The following REDIC1 variants were observed in gnomAD, a reference collection of about 807,000 sequenced individuals.
The protein encoded by REDIC1 is regulator of DNA class I crossover intermediates 1.
At chr12:39,864,186 C>T in the REDIC1 span, among the ~76,000 whole-genome samples, 1 of 152,208 alleles carries the variant, frequency 6.6e-6, no homozygotes, top group South Asian at 2.1e-4. Flanking sequence ...AGTGTGTACA[C>T]TGTTAGATTT....
At chr12:39,803,279 C>G in the REDIC1 span, among the ~76,000 whole-genome samples, 1 of 150,038 alleles carries the variant, frequency 6.7e-6, no homozygotes, top group Non-Finnish European at 1.5e-5. Context: ...CAGATAAAAC[C>G]GTGATGAAAA....
chr12:39,655,432 A>G, the REDIC1 span, among the ~76,000 whole-genome samples: 1 of 152,106 alleles, frequency 6.6e-6, no homozygotes, highest in Admixed American at 6.5e-5. Flanking sequence ...AACACCTCAC[A>G]TTCAGCCAAG....
chr12:39,767,035 A>G, the REDIC1 span, among the ~76,000 whole-genome samples: 1 of 152,122 alleles, frequency 6.6e-6, no homozygotes, highest in Non-Finnish European at 1.5e-5. Context: ...TTTTAATAGC[A>G]TCCAGAATAG....
the REDIC1 span, among the ~76,000 whole-genome samples, chr12:39,823,295 A>G: frequency 6.6e-6 from 1 of 152,370 alleles, no homozygotes; most frequent in South Asian, 2.1e-4. Context: ...ATTTAGGAAC[A>G]CAGCTGGAGG....
the REDIC1 span, chr12:39,648,021 T>G: frequency 1.1e-5 from 14 of 1,260,162 alleles, no homozygotes; most frequent in Non-Finnish European, 1.5e-5. Context: ...ATAATTATAT[T>G]TTCATGAAAC....
chr12:39,822,399 AAAAC>A, the REDIC1 span, among the ~76,000 whole-genome samples: 2 of 152,180 alleles, frequency 1.3e-5, no homozygotes, highest in African/African-American at 4.8e-5. Context: ...GTATCTATAA[AAAAC>A]AAATTAAAAT....
the REDIC1 span, chr12:39,764,971 A>C: frequency 8.1e-7 from 1 of 1,229,900 alleles, no homozygotes; most frequent in Non-Finnish European, 1.1e-6. Context: ...AAGAGTCCAA[A>C]ATGTTTTTCT....
chr12:39,628,226 A>T, the REDIC1 span, among the ~76,000 whole-genome samples: 2 of 152,196 alleles, frequency 1.3e-5, no homozygotes, highest in African/African-American at 4.8e-5. Flanking sequence ...ATGTTCAGAT[A>T]CACTGCAATT....
the REDIC1 span, among the ~76,000 whole-genome samples, chr12:39,862,545 TCTC>T: frequency 2.0e-5 from 3 of 152,186 alleles, no homozygotes; most frequent in East Asian, 1.9e-4. Context: ...TTAAACTACT[TCTC>T]CTTTAAAATC....
chr12:39,867,352 C>A, the REDIC1 span, among the ~76,000 whole-genome samples: 1 of 152,016 alleles, frequency 6.6e-6, no homozygotes, highest in Middle Eastern at 3.2e-3. Context: ...AGCACATATC[C>A]AGTAAGGTCC....
chr12:39,833,895 A>G, the REDIC1 span, among the ~76,000 whole-genome samples: 1 of 148,064 alleles, frequency 6.8e-6, no homozygotes, highest in African/African-American at 2.5e-5. Flanking sequence ...ATGGTCATAA[A>G]AAAAAAAAAA....
chr12:39,750,919 G>C, the REDIC1 span, among the ~76,000 whole-genome samples: 3 of 152,046 alleles, frequency 2.0e-5, no homozygotes, highest in Non-Finnish European at 4.4e-5. Context: ...ATTCAAGATG[G>C]ATTAAAGACT....
At chr12:39,671,115 T>C in the REDIC1 span, among the ~76,000 whole-genome samples, 1 of 152,226 alleles carries the variant, frequency 6.6e-6, no homozygotes, top group Non-Finnish European at 1.5e-5. Flanking sequence ...TTTTTCATGT[T>C]TGTGTTCTTT....
At chr12:39,634,691 A>G in the REDIC1 span, among the ~76,000 whole-genome samples, 1 of 152,050 alleles carries the variant, frequency 6.6e-6, no homozygotes, top group Non-Finnish European at 1.5e-5. Context: ...ACTCTAGAAG[A>G]ACCTAGGCAA....
At chr12:39,713,672 T>G in the REDIC1 span, among the ~76,000 whole-genome samples, 1 of 149,696 alleles carries the variant, frequency 6.7e-6, no homozygotes, top group Admixed American at 6.7e-5. Context: ...TATATACATA[T>G]GTATGTATGC....
chr12:39,731,210 G>A, the REDIC1 span, among the ~76,000 whole-genome samples: 1 of 152,198 alleles, frequency 6.6e-6, no homozygotes, highest in African/African-American at 2.4e-5. Context: ...GGGAGGAGTT[G>A]TGATTCTTTG....
the REDIC1 span, chr12:39,646,993 T>G: frequency 1.4e-6 from 1 of 726,988 alleles, no homozygotes; most frequent in Non-Finnish European, 2.2e-6. Context: ...AAGAAAATTT[T>G]GAGTCTTTAA....
the REDIC1 span, among the ~76,000 whole-genome samples, chr12:39,875,866 A>T: frequency 6.6e-6 from 1 of 152,218 alleles, no homozygotes; most frequent in Non-Finnish European, 1.5e-5. Flanking sequence ...CCTACCACTG[A>T]GTTTACAATC....
At chr12:39,896,548 G>A in the REDIC1 span, among the ~76,000 whole-genome samples, 1 of 141,468 alleles carries the variant, frequency 7.1e-6, no homozygotes, top group African/African-American at 2.6e-5. Context: ...ATGTATGTGT[G>A]TATACATGTA....
Sources: allele counts gnomAD v4.1 joint callset (sites outside exome capture counted in the v4.1 genomes callset), GRCh38; gene constraint gnomAD v4.1.1; transcripts MANE v1.5; gene names NCBI Gene and HGNC (gene_info 2026-07-23, HGNC 2026-07-21).